Variants in GPC5 observed in about 807,000 individuals in gnomAD.
The protein encoded by GPC5 is glypican-5.
In GPC5, 47 loss-of-function variants were observed where a neutral mutation model predicts 53.9. That is an observed-to-expected ratio of 0.87 (90% CI 0.69 to 1.11). The LOEUF (loss-of-function observed/expected upper bound fraction) is 1.11. GPC5 is among the 50% of genes most tolerant of loss of function. GPC5 has a pLI of 0.00. For synonymous variants in GPC5, 286 were observed against 263.3 expected (o/e 1.09, Z -0.84); for missense variants, 748 against 713.1 (o/e 1.05, Z -0.56).
At chr13:92,854,500 T>G (rs1878930683) in intron 7 of GPC5, among the ~76,000 whole-genome samples, 1 of 151,560 alleles carries the variant, frequency 6.6e-6, no homozygotes. Flanking sequence ...AAAATAAAAA[T>G]ATCAGCGATT....
At chr13:92,443,549 A>G (rs1384640872) in intron 7 of GPC5, among the ~76,000 whole-genome samples, 1 of 152,230 alleles carries the variant, frequency 6.6e-6, no homozygotes, top group Non-Finnish European at 1.5e-5. Context: ...GTTACAAAAA[A>G]AACAATTTTT....
chr13:91,400,907 A>G (rs552374254), intron 1 of GPC5, among the ~76,000 whole-genome samples: 1 of 152,306 alleles, frequency 6.6e-6, no homozygotes, highest in East Asian at 1.9e-4. Context: ...GACTGTAATT[A>G]TTTGCATTTG....
intron 7 of GPC5, among the ~76,000 whole-genome samples, chr13:92,561,086 G>T (rs1007380845): frequency 1.3e-5 from 2 of 151,876 alleles, no homozygotes; most frequent in African/African-American, 4.8e-5. Flanking sequence ...TTCGAGACGT[G>T]ACCTTGGCTA....
At chr13:91,553,134 A>G (rs1030522217) in intron 2 of GPC5, among the ~76,000 whole-genome samples, 2 of 152,108 alleles carry the variant, frequency 1.3e-5, no homozygotes, top group East Asian at 1.9e-4. Flanking sequence ...GACAAAATGT[A>G]TGAGGGGTAT....
intron 6 of GPC5, among the ~76,000 whole-genome samples, chr13:92,093,025 A>G (rs1014518613): frequency 3.3e-5 from 5 of 152,196 alleles, no homozygotes; most frequent in African/African-American, 9.6e-5. Context: ...TGCAATTTAC[A>G]CAGTTGTGAA....
At chr13:92,773,099 C>G (rs959644891) in intron 7 of GPC5, among the ~76,000 whole-genome samples, 2 of 152,046 alleles carry the variant, frequency 1.3e-5, no homozygotes, top group Non-Finnish European at 2.9e-5. Flanking sequence ...CATTGTAATA[C>G]CCTTCCTGAT....
intron 5 of GPC5, among the ~76,000 whole-genome samples, chr13:91,880,127 A>T (rs2039248412): frequency 6.6e-6 from 1 of 152,026 alleles, no homozygotes; most frequent in South Asian, 2.1e-4. Context: ...TTTTTAAATA[A>T]GGTTTTATGT....
At chr13:92,704,899 G>GAGTA (rs1887898491) in intron 7 of GPC5, among the ~76,000 whole-genome samples, 2 of 90,890 alleles carry the variant, frequency 2.2e-5, no homozygotes, top group South Asian at 8.6e-4. Flanking sequence ...ATATATATGA[G>GAGTA]TATATATATA....
chr13:91,415,138 T>C (rs1262152713), intron 1 of GPC5, among the ~76,000 whole-genome samples: 2 of 152,144 alleles, frequency 1.3e-5, no homozygotes, highest in African/African-American at 4.8e-5. Context: ...TGCTAACAAT[T>C]GAAGGCTCTG....
intron 6 of GPC5, among the ~76,000 whole-genome samples, chr13:92,004,008 A>G (rs2040580751): frequency 6.6e-6 from 1 of 152,200 alleles, no homozygotes; most frequent in Admixed American, 6.5e-5. Flanking sequence ...TATACCATGA[A>G]CATCACTAGA....
chr13:91,534,962 G>A (rs1886519172), intron 2 of GPC5, among the ~76,000 whole-genome samples: 1 of 152,118 alleles, frequency 6.6e-6, no homozygotes, highest in Non-Finnish European at 1.5e-5. Context: ...ATTATCTAGT[G>A]AAACCCACTG....
chr13:92,762,894 A>G (rs989581665), intron 7 of GPC5, among the ~76,000 whole-genome samples: 4 of 151,600 alleles, frequency 2.6e-5, no homozygotes, highest in Admixed American at 2.6e-4. Flanking sequence ...TCTTCTGTTG[A>G]AGCTCTGTGT....
At chr13:92,188,212 TGA>T (rs1293189209) in intron 7 of GPC5, among the ~76,000 whole-genome samples, 2 of 152,156 alleles carry the variant, frequency 1.3e-5, no homozygotes, top group Non-Finnish European at 2.9e-5. Flanking sequence ...CTGAGACAGT[TGA>T]GATAGCCTTC....
chr13:91,453,548 A>G (rs954893858), intron 2 of GPC5, among the ~76,000 whole-genome samples: 1 of 152,110 alleles, frequency 6.6e-6, no homozygotes, highest in Non-Finnish European at 1.5e-5. Context: ...AATTTTTCCT[A>G]GGAAGAATAA....
At chr13:91,830,369 T>G (rs1237450448) in intron 5 of GPC5, among the ~76,000 whole-genome samples, 2 of 151,984 alleles carry the variant, frequency 1.3e-5, no homozygotes, top group African/African-American at 4.8e-5. Context: ...TTCATATTGC[T>G]CAAACACACA....
chr13:92,768,801 C>A (rs1342307518), intron 7 of GPC5, among the ~76,000 whole-genome samples: 1 of 151,396 alleles, frequency 6.6e-6, no homozygotes, highest in African/African-American at 2.4e-5. Flanking sequence ...ATATGCCTGC[C>A]TGGTCCACCC....
At chr13:92,669,416 C>A (rs965817060) in intron 7 of GPC5, among the ~76,000 whole-genome samples, 3 of 152,170 alleles carry the variant, frequency 2.0e-5, no homozygotes, top group Non-Finnish European at 4.4e-5. Context: ...CACACATACA[C>A]TTACTTTCAC....
intron 7 of GPC5, among the ~76,000 whole-genome samples, chr13:92,628,662 C>T (rs1885135116): frequency 1.3e-5 from 2 of 152,076 alleles, no homozygotes; most frequent in Admixed American, 6.6e-5. Flanking sequence ...GGATTTCATC[C>T]CCCTTCATCT....
intron 6 of GPC5, among the ~76,000 whole-genome samples, chr13:92,047,217 G>A (rs1396347119): frequency 6.6e-6 from 1 of 152,106 alleles, no homozygotes; most frequent in Non-Finnish European, 1.5e-5. Context: ...AGATGGTTTA[G>A]ATCATCCCTG....
Sources: gnomAD v4.1 joint callset for allele counts (sites outside exome capture counted in the v4.1 genomes callset) on GRCh38, gnomAD v4.1.1 for gene constraint, MANE v1.5 for transcripts, NCBI Gene and HGNC (gene_info 2026-07-23, HGNC 2026-07-21) for gene names.